The following SYNRG variants were observed in gnomAD, a reference collection of about 807,000 sequenced individuals.
SYNRG encodes the protein AP1 gamma subunit binding protein 1.
A neutral mutation model predicts 130.9 loss-of-function variants in SYNRG; 37 were observed. The observed-to-expected ratio is 0.28, with a 90% CI of 0.22 to 0.37. The LOEUF (loss-of-function observed/expected upper bound fraction) is 0.37, where lower values mean the gene tolerates loss of function less well. Among genes scored for constraint, SYNRG ranks in the 10% least tolerant of loss-of-function variants. The pLI is 1.00. For synonymous variants in SYNRG, 539 were observed against 568.1 expected (o/e 0.95, Z 0.73); for missense variants, 1,338 against 1,588.9 (o/e 0.84, Z 2.68).
At position 37,605,721 on chromosome 17, in the gene SYNRG, A is replaced by G. The variant is rs2063694254; in HGVS notation, c.77+3558T>C. On this transcript the variant is annotated intron_variant, in intron 1 of 21. Transcript: ENST00000612223. ...AATAAGACAGTAAAAGCTTGGCAAA[A>G]AACTGGGCAGGAAGGTGACCAACAA... 3 of 787,788 alleles carry G rather than the reference A, an allele frequency of 3.8e-6. No individual in the cohort carries two copies. In the African/African-American group the frequency reaches 5.6e-5, roughly 15 times the overall value. 48.8% of individuals were successfully genotyped at this position (787,788 alleles called of 1,614,324 possible).
chr17:37,520,453 T>C (rs1199671395), intron 20 of SYNRG, 85 bp downstream of exon 20: 5 of 1,331,534 alleles, frequency 3.8e-6, no homozygotes, highest in African/African-American at 2.9e-5. Context: ...GGTCACAAAC[T>C]CTGCAGTAAA....
In SYNRG at chr17:37,586,532, T is replaced by C. The variant is rs750829215; in HGVS notation, c.258A>G (p.Gly86=). The change falls in exon 4 of 22, where the codon GGA becomes GGG. Residue 86 remains glycine (G), a synonymous_variant. Transcript: ENST00000612223. ...PIAMQAGIPM[G]PMPAAGMPYL... ...AAGGCATTCCCGCTGCTGGCATTGG[T>C]CCCATTGGTATTCCTGCCTAGAAGA... is the stretch of plus-strand genomic sequence containing the variant. 1.2e-6 allele frequency: 2 copies of C among 1,614,132 alleles called. No homozygotes were observed. Among genetic ancestry groups the C allele is most frequent in the Admixed American group, 3.3e-5 (2 of 60,016 alleles).
intron 14 of SYNRG, among the ~76,000 whole-genome samples, chr17:37,546,784 A>G (rs1388651929): frequency 6.6e-6 from 1 of 152,206 alleles, no homozygotes; most frequent in African/African-American, 2.4e-5. Flanking sequence ...TTCTCATTTT[A>G]TATAGCAATA....
At chr17:37,538,933 C>CA (rs1056562518) in intron 17 of SYNRG, 71 of 684,682 alleles carry the variant, frequency 1.0e-4, no homozygotes, top group Middle Eastern at 1.5e-3. Context: ...TTGATTTAGT[C>CA]AGAGTTAATG....
chr17:37,554,414 A>T (rs1265966324), intron 13 of SYNRG, among the ~76,000 whole-genome samples: 1 of 152,148 alleles, frequency 6.6e-6, no homozygotes, highest in Non-Finnish European at 1.5e-5. Flanking sequence ...ATACAATAAG[A>T]AATAGGGCTA....
At chr17:37,596,174 G>GT (rs776544632) in intron 3 of SYNRG, 49 bp downstream of exon 3, 2 of 1,596,838 alleles carry the variant, frequency 1.3e-6, no homozygotes, top group Admixed American at 3.4e-5. Flanking sequence ...ATATATAAAC[G>GT]TAACAACAAA....
intron 19 of SYNRG, among the ~76,000 whole-genome samples, chr17:37,530,901 G>C (rs1417293690): frequency 6.6e-6 from 1 of 152,212 alleles, no homozygotes; most frequent in Non-Finnish European, 1.5e-5. Context: ...CTTCAGGAAA[G>C]GATGACGGCA....
At chr17:37,533,086 C>T (rs76550796) in intron 19 of SYNRG, among the ~76,000 whole-genome samples, 1 of 152,096 alleles carries the variant, frequency 6.6e-6, no homozygotes, top group Non-Finnish European at 1.5e-5. Context: ...TGAGAACCCA[C>T]AGAAGAAATT....
intron 14 of SYNRG, among the ~76,000 whole-genome samples, chr17:37,548,539 C>T (rs944939815): frequency 5.9e-5 from 9 of 152,086 alleles, no homozygotes; most frequent in Non-Finnish European, 8.8e-5. Context: ...TCTTCTAGGC[C>T]GGGTGTGGTG....
At chr17:37,600,166 C>G (rs1396264021) in intron 2 of SYNRG, among the ~76,000 whole-genome samples, 197 bp downstream of exon 2, 3 of 152,170 alleles carry the variant, frequency 2.0e-5, no homozygotes, top group Non-Finnish European at 4.4e-5. Context: ...GAGGAGTGAT[C>G]CTTATTACTC....
At chr17:37,555,454 T>C (rs1280802723) in intron 13 of SYNRG, among the ~76,000 whole-genome samples, 2 of 152,228 alleles carry the variant, frequency 1.3e-5, no homozygotes, top group Non-Finnish European at 2.9e-5. Context: ...AAAAGGTTTC[T>C]ATATTCTTTA....
intron 3 of SYNRG, among the ~76,000 whole-genome samples, chr17:37,588,280 T>G (rs1345464585): frequency 1.6e-5 from 2 of 122,970 alleles, no homozygotes; most frequent in Non-Finnish European, 3.4e-5. Flanking sequence ...TTTTTTTTTT[T>G]GAGACAGGAT....
At chr17:37,598,759 A>G (rs1416384659) in intron 2 of SYNRG, among the ~76,000 whole-genome samples, 5 of 152,256 alleles carry the variant, frequency 3.3e-5, no homozygotes, top group Non-Finnish European at 7.3e-5. Flanking sequence ...AAAAAATATC[A>G]GGCAACACTT....
chr17:37,600,579 T>C (rs1220906526), intron 1 of SYNRG, 176 bp from the exon 2 acceptor site: 2 of 732,006 alleles, frequency 2.7e-6, no homozygotes, highest in African/African-American at 1.7e-5. Flanking sequence ...CATGTCAGCA[T>C]GCTACTGCAG....
chr17:37,530,270 T>C (rs1435373125), intron 19 of SYNRG, among the ~76,000 whole-genome samples: 1 of 152,174 alleles, frequency 6.6e-6, no homozygotes, highest in Non-Finnish European at 1.5e-5. Context: ...TTCAGTTTCT[T>C]CATCTGTAAA....
At chr17:37,600,823 G>A (rs1334313779) in intron 1 of SYNRG, 2 of 212,036 alleles carry the variant, frequency 9.4e-6, no homozygotes, top group East Asian at 1.5e-4. Flanking sequence ...TGCTATAAGC[G>A]AGGTCCAAAT....
intron 16 of SYNRG, 68 bp downstream of exon 16, chr17:37,540,312 A>C: frequency 6.0e-6 from 9 of 1,505,050 alleles, no homozygotes; most frequent in Non-Finnish European, 6.4e-6. Context: ...AGCTGACAGC[A>C]TTCTTTCTTG....
In SYNRG at chr17:37,576,420, T is replaced by G. The variant is rs756582437; in HGVS notation, c.824-2A>C. On this transcript the variant is annotated splice_acceptor_variant, in intron 7 of 21. Transcript: ENST00000612223. LOFTEE classifies it high-confidence loss of function. The stretch of plus-strand genomic sequence containing the variant: ...CCTGTGAGGGAAATACTCCCACACC[T>G]AGAAGGTAAGAAACATTAATGTATA... The G allele has an allele frequency of 2.5e-6, 4 of 1,613,118 alleles. No individual in the cohort carries two copies. The highest frequency in any genetic ancestry group is 3.4e-6 in the Non-Finnish European group (4 of 1,179,262).
At chr17:37,553,015 A>T in intron 14 of SYNRG, 100 bp downstream of exon 14, 2 of 1,091,860 alleles carry the variant, frequency 1.8e-6, no homozygotes, top group Non-Finnish European at 2.6e-6. Flanking sequence ...GAGATTCATA[A>T]AGCTAAAGGG....
Sources: allele counts gnomAD v4.1 joint callset (sites outside exome capture counted in the v4.1 genomes callset), GRCh38; gene constraint gnomAD v4.1.1; transcripts MANE v1.5; gene names NCBI Gene and HGNC (gene_info 2026-07-23, HGNC 2026-07-21).